LRP1B: variants seen among roughly 807,000 people sequenced by gnomAD.
The protein encoded by LRP1B is low-density lipoprotein receptor-related protein 1B.
LRP1B carries 217 observed loss-of-function variants against 556.6 expected under a neutral mutation model. The observed-to-expected ratio is 0.39, with a 90% CI of 0.35 to 0.44. The LOEUF (loss-of-function observed/expected upper bound fraction) is 0.44. Ranked by LOEUF, LRP1B falls within the 20% of genes least tolerant of loss-of-function variation. The pLI is 1.00. For synonymous variants in LRP1B, 2,047 were observed against 1,865.8 expected (o/e 1.10, Z -2.50); for missense variants, 5,053 against 5,620.8 (o/e 0.90, Z 3.23).
chr2:141,263,320 G>T (rs534179391), intron 3 of LRP1B, among the ~76,000 whole-genome samples: 97 of 151,978 alleles, frequency 6.4e-4, no homozygotes, highest in African/African-American at 2.1e-3. Flanking sequence ...CATCAGCAAG[G>T]CAGCAGAAGA....
chr2:140,468,569 G>A (rs149574126), intron 60 of LRP1B, among the ~76,000 whole-genome samples: 108 of 152,328 alleles, frequency 7.1e-4, no homozygotes, highest in Middle Eastern at 3.4e-3. Flanking sequence ...GAGAGCCACA[G>A]GCATGAGATT....
intron 17 of LRP1B, among the ~76,000 whole-genome samples, chr2:140,984,343 C>T (rs775614336): frequency 9.9e-5 from 15 of 151,698 alleles, no homozygotes; most frequent in Non-Finnish European, 1.9e-4. Context: ...CTTTCTTCCT[C>T]CTTCATTCTT....
chr2:140,963,796 A>C (rs12620377), intron 18 of LRP1B, among the ~76,000 whole-genome samples: 27,667 of 152,122 alleles, frequency 0.18, 2,645 homozygotes, highest in East Asian at 0.25. Context: ...GTCTCTATTA[A>C]AAATACAAAA....
At chr2:141,881,862 G>T (rs1458245764) in intron 1 of LRP1B, among the ~76,000 whole-genome samples, 1 of 152,034 alleles carries the variant, frequency 6.6e-6, no homozygotes, top group African/African-American at 2.4e-5. Flanking sequence ...ATATCAAAAG[G>T]TTAATGTAAT....
chr2:141,999,914 T>C (rs956355595), intron 1 of LRP1B, among the ~76,000 whole-genome samples: 1 of 151,480 alleles, frequency 6.6e-6, no homozygotes, highest in Non-Finnish European at 1.5e-5. Flanking sequence ...CTTGTGTCCA[T>C]TTTATGCCAG....
intron 3 of LRP1B, among the ~76,000 whole-genome samples, chr2:141,467,354 C>T (rs1682271700): frequency 6.6e-6 from 1 of 151,884 alleles, no homozygotes; most frequent in Non-Finnish European, 1.5e-5. Context: ...GATGAAGTTA[C>T]AGGAGTATAG....
chr2:141,297,563 C>T (rs1439373133), intron 3 of LRP1B, among the ~76,000 whole-genome samples: 1 of 152,130 alleles, frequency 6.6e-6, no homozygotes, highest in African/African-American at 2.4e-5. Flanking sequence ...TAGCCAGCTG[C>T]AGGCTACTAG....
intron 2 of LRP1B, among the ~76,000 whole-genome samples, chr2:141,761,543 G>A (rs980401940): frequency 9.2e-5 from 14 of 151,908 alleles, no homozygotes; most frequent in Non-Finnish European, 1.5e-4. Context: ...ATGATACAAA[G>A]GAAAAGCTTG....
chr2:140,748,799 C>CATGTATATAATATATATCATAT (rs1559094721), intron 35 of LRP1B, among the ~76,000 whole-genome samples: 6,927 of 17,996 alleles, frequency 0.38, 1,045 homozygotes, highest in South Asian at 0.56. Flanking sequence ...ATATTATATA[C>CATGTATATAATATATATCATAT]ATATTATATA....
chr2:140,936,554 G>A (rs776810472), intron 20 of LRP1B, among the ~76,000 whole-genome samples: 3 of 151,814 alleles, frequency 2.0e-5, no homozygotes, highest in Non-Finnish European at 4.4e-5. Flanking sequence ...GAGTTCTCTG[G>A]TGAAATGAAA....
At chr2:141,222,522 C>T (rs1683087651) in intron 6 of LRP1B, among the ~76,000 whole-genome samples, 1 of 152,178 alleles carries the variant, frequency 6.6e-6, no homozygotes, top group African/African-American at 2.4e-5. Context: ...CTCCCTAACT[C>T]ATTTTATGTG....
chr2:141,626,529 C>T (rs1348676717), intron 2 of LRP1B, among the ~76,000 whole-genome samples: 1 of 152,062 alleles, frequency 6.6e-6, no homozygotes, highest in Non-Finnish European at 1.5e-5. Flanking sequence ...AAGCCATCGA[C>T]CGGGAGAAAA....
intron 2 of LRP1B, among the ~76,000 whole-genome samples, chr2:141,769,861 C>G (rs1306234558): frequency 4.6e-5 from 7 of 152,120 alleles, no homozygotes; most frequent in Admixed American, 4.6e-4. Context: ...TTGAAAATTA[C>G]CTAGTCTCAT....
At chr2:141,998,696 A>G (rs1426231755) in intron 1 of LRP1B, among the ~76,000 whole-genome samples, 1 of 152,218 alleles carries the variant, frequency 6.6e-6, no homozygotes, top group Non-Finnish European at 1.5e-5. Flanking sequence ...ATCAATACAC[A>G]TAAAATATAC....
intron 2 of LRP1B, among the ~76,000 whole-genome samples, chr2:141,543,973 G>T (rs1443824011): frequency 2.0e-5 from 3 of 152,212 alleles, no homozygotes; most frequent in Admixed American, 2.0e-4. Flanking sequence ...TAAAGGAGAT[G>T]AATTGGAAGA....
At chr2:141,981,303 T>C (rs1559001266) in intron 1 of LRP1B, among the ~76,000 whole-genome samples, 2 of 152,038 alleles carry the variant, frequency 1.3e-5, no homozygotes, top group Non-Finnish European at 2.9e-5. Flanking sequence ...CTCTTAGGAT[T>C]AGGCATTGGA....
intron 2 of LRP1B, among the ~76,000 whole-genome samples, chr2:141,748,145 CTGAGA>C (rs1323094596): frequency 6.6e-6 from 1 of 152,166 alleles, no homozygotes; most frequent in Non-Finnish European, 1.5e-5. Context: ...ATTTTATAGG[CTGAGA>C]TAACTAGCAA....
chr2:141,669,125 G>T (rs1690565474), intron 2 of LRP1B, among the ~76,000 whole-genome samples: 1 of 152,140 alleles, frequency 6.6e-6, no homozygotes, highest in Non-Finnish European at 1.5e-5. Flanking sequence ...GGGCTTTGAA[G>T]AACCTCAGAA....
At chr2:140,233,435 CATTTA>C (rs1394513026) in intron 90 of LRP1B, 109 bp from the exon 91 acceptor site, 4 of 648,882 alleles carry the variant, frequency 6.2e-6, no homozygotes, top group Non-Finnish European at 9.6e-6. Context: ...ATATGCAATA[CATTTA>C]ATTTATTAAA....
Sources: allele counts gnomAD v4.1 joint callset (sites outside exome capture counted in the v4.1 genomes callset), GRCh38; gene constraint gnomAD v4.1.1; transcripts MANE v1.5; gene names NCBI Gene and HGNC (gene_info 2026-07-23, HGNC 2026-07-21).